The following AFF1 variants were observed in gnomAD, a reference collection of about 807,000 sequenced individuals.
AFF1 encodes ALF transcription elongation factor 1, also known as AF4/FMR2 family member 1.
Under a neutral mutation model 121.7 loss-of-function variants are expected in AFF1, and 48 were observed. The ratio of observed to expected loss-of-function variants is 0.39; its 90% confidence interval spans 0.31 to 0.50. The LOEUF (loss-of-function observed/expected upper bound fraction) is 0.50. AFF1 is among the 20% of genes least tolerant of loss of function. AFF1 has a pLI of 0.76. For missense variants in AFF1, 1,523 were observed against 1,511.7 expected (o/e 1.01, Z -0.12); for synonymous variants, 613 against 563.0 (o/e 1.09, Z -1.26).
chr4:87,061,874 C>G (rs942998657), intron 4 of AFF1, among the ~76,000 whole-genome samples: 1 of 152,134 alleles, frequency 6.6e-6, no homozygotes, highest in African/African-American at 2.4e-5. Flanking sequence ...ATTTCTCAAA[C>G]TTTTGAAAGG....
intron 2 of AFF1, among the ~76,000 whole-genome samples, chr4:86,957,487 A>G (rs776245289): frequency 1.3e-5 from 2 of 152,172 alleles, no homozygotes; most frequent in Non-Finnish European, 2.9e-5. Context: ...ATAGCTGAGT[A>G]TGTGAATCAG....
rs568491229 is a variant in AFF1, at chr4:87,138,038, T to TTC, written c.*2338_*2339insCT. 2,405 of 230,780 alleles carry TTC rather than the reference T, an allele frequency of 0.01. 55 individuals carry two copies. Among genetic ancestry groups the TTC allele is most frequent in the African/African-American group, 0.05 (2,251 of 45,184 alleles). 14.3% of individuals were successfully genotyped at this position (230,780 alleles called of 1,614,324 possible). ...CCTTACTCTTTGTGGGTTTTTTTTT[T>TTC]TTTCTCTGAACTTGATATAAAGATT... On this transcript the variant is annotated 3_prime_UTR_variant, in exon 21 of 21. Coordinates refer to ENST00000395146, the MANE Select transcript of AFF1 (RefSeq NM_001166693.3).
chr4:87,134,300 C>T (rs964820331), intron 19 of AFF1, among the ~76,000 whole-genome samples, 171 bp from the exon 20 acceptor site: 1 of 152,176 alleles, frequency 6.6e-6, no homozygotes, highest in African/African-American at 2.4e-5. Context: ...CAGATTAGCC[C>T]AGCAGGGTGT....
chr4:86,985,212 T>TATATATAA (rs1560518400), intron 2 of AFF1, among the ~76,000 whole-genome samples: 1 of 99,046 alleles, frequency 1.0e-5, no homozygotes, highest in African/African-American at 3.2e-5. Context: ...TATATATATA[T>TATATATAA]ATAAAATTAT....
Position 86,948,505 on chromosome 4 carries a change from G to T in AFF1, c.-29G>T. The T allele has an allele frequency of 6.5e-7, 1 of 1,536,130 alleles. No individual in the cohort carries two copies. On this transcript the variant is annotated 5_prime_UTR_variant, in exon 2 of 21. Coordinates refer to ENST00000395146, the MANE Select transcript of AFF1 (RefSeq NM_001166693.3). ...TCTTTGTTTCTCTTTCAGATGAACAGACTAGCCACTTTGCATTGACTGGAA... is the reference window on the plus strand; with the variant it reads ...TCTTTGTTTCTCTTTCAGATGAACATACTAGCCACTTTGCATTGACTGGAA...
rs1478882090 is a variant in AFF1, at chr4:87,108,170, C to A, written c.1388C>A (p.Ser463Tyr). 6.2e-7 allele frequency: 1 copy of A among 1,613,962 alleles called. No homozygotes were observed. The highest frequency in any genetic ancestry group is 8.5e-7 in the Non-Finnish European group (1 of 1,179,942). ...SSSAPPSAPQ[S>Y]LPEPVASAHS... is the part of the protein sequence containing the mutation. ...TGGTTGCTTTGCAGTGCTCCACAGTCCCTTCCAGAACCAGTGGCATCAGCA... is the reference window on the plus strand; with the variant it reads ...TGGTTGCTTTGCAGTGCTCCACAGTACCTTCCAGAACCAGTGGCATCAGCA... Residue 463 changes from serine (S) to tyrosine (Y), a missense_variant, in exon 11 of 21, where the codon TCC (serine) becomes TAC (tyrosine). By Grantham distance (144) the Ser-to-Tyr change is moderately radical. Transcript: ENST00000395146.
chr4:87,076,055 G>A (rs1722641617), intron 4 of AFF1, among the ~76,000 whole-genome samples: 1 of 152,082 alleles, frequency 6.6e-6, no homozygotes, highest in Admixed American at 6.6e-5. Context: ...AGAACACTAA[G>A]GGTTACAATC....
chr4:87,047,252 C>G lies in AFF1; in HGVS notation c.717C>G (p.Gly239=). The change falls in exon 4 of 21, where the codon GGC becomes GGG. Residue 239 remains glycine (G), a synonymous_variant. Coordinates refer to ENST00000395146, the MANE Select transcript of AFF1 (RefSeq NM_001166693.3). ...CGCAAGGAAGCAGCAAGGTTCATGG[C>G]AGCAGCAATAACAGTAAAGGCTATT... The part of the protein sequence containing the change: ...PRTQGSSKVH[G]SSNNSKGYCP... The G allele has an allele frequency of 1.2e-6, 2 of 1,614,194 alleles. No individual in the cohort carries two copies. Among genetic ancestry groups the G allele is most frequent in the Non-Finnish European group, 1.7e-6 (2 of 1,180,042 alleles).
chr4:87,078,503 C>T (rs1392470052), intron 4 of AFF1, among the ~76,000 whole-genome samples: 3 of 152,062 alleles, frequency 2.0e-5, no homozygotes, highest in Non-Finnish European at 4.4e-5. Context: ...AGAGAATGTA[C>T]GGATAGTTAC....
intron 5 of AFF1, among the ~76,000 whole-genome samples, chr4:87,084,420 G>A (rs1723489356): frequency 6.6e-6 from 1 of 152,162 alleles, no homozygotes; most frequent in African/African-American, 2.4e-5. Flanking sequence ...GCACATGCCT[G>A]TAGTCCCAGC....
intron 2 of AFF1, among the ~76,000 whole-genome samples, chr4:86,996,566 T>C (rs1405352349): frequency 7.9e-5 from 12 of 151,012 alleles, no homozygotes; most frequent in African/African-American, 2.9e-4. Flanking sequence ...TAATCTCAAG[T>C]ACCCAGGGAC....
intron 2 of AFF1, among the ~76,000 whole-genome samples, chr4:86,950,684 T>C (rs1721243117): frequency 6.6e-6 from 1 of 152,190 alleles, no homozygotes; most frequent in African/African-American, 2.4e-5. Context: ...CTGGTCATCA[T>C]TGTGGGCTGC....
Position 87,141,029 on chromosome 4 carries a change from T to G in AFF1, c.*5328T>G, listed in dbSNP as rs1330043617. On this transcript the variant is annotated 3_prime_UTR_variant, in exon 21 of 21. Transcript: ENST00000395146. ...AAAAACAAAAAAATTAATAAAAATT[T>G]CGAGAAATCATTGGGGTTGAATCCA... 1 of 176,476 alleles carries G rather than the reference T, an allele frequency of 5.7e-6. No individual in the cohort carries two copies. Among genetic ancestry groups the G allele is most frequent in the African/African-American group, 2.4e-5 (1 of 42,230 alleles). 10.9% of individuals were successfully genotyped at this position (176,476 alleles called of 1,614,324 possible). A position where few individuals can be genotyped will look rare whatever the true frequency, so the allele number is the denominator to read the frequency against.
chr4:87,052,082 A>G (rs1003766614), intron 4 of AFF1, among the ~76,000 whole-genome samples: 1 of 152,090 alleles, frequency 6.6e-6, no homozygotes, highest in Non-Finnish European at 1.5e-5. Flanking sequence ...CAGAGCTCAG[A>G]GACGTATTTC....
chr4:87,118,110 A>G (rs1727307806), intron 12 of AFF1, among the ~76,000 whole-genome samples: 1 of 152,236 alleles, frequency 6.6e-6, no homozygotes, highest in African/African-American at 2.4e-5. Flanking sequence ...CATTAGTGGT[A>G]TTTAGTGTTT....
Position 87,127,662 on chromosome 4 carries a change from A to C in AFF1, c.2923A>C (p.Met975Leu). The C allele has an allele frequency of 6.2e-7, 1 of 1,614,108 alleles. No homozygotes were observed. The highest frequency in any genetic ancestry group is 8.5e-7 in the Non-Finnish European group (1 of 1,180,024). Residue 975 changes from methionine to leucine, a missense_variant, in exon 16 of 21, where the codon ATG becomes CTG. Physicochemically the swap from Met to Leu is conservative, Grantham distance 15. Around this residue, in one of 5 missense-constraint regions of AFF1, gnomAD observed 905 missense variants for 842.5 expected, o/e 1.07. Transcript: ENST00000395146. ...TTTCAGACAACAAGCAGACCTTCAC[A>C]TGAGGGAGGCAAAAAAGATGAAGCA... Reference protein sequence around the residue: ...KFDKQQADLHMREAKKMKQKA... With the variant: ...KFDKQQADLHLREAKKMKQKA...
intron 5 of AFF1, among the ~76,000 whole-genome samples, chr4:87,085,824 C>T (rs1321316632): frequency 6.6e-6 from 1 of 151,494 alleles, no homozygotes; most frequent in African/African-American, 2.4e-5. Context: ...CTGCAATCTC[C>T]ACCTCCTGGG....
At chr4:87,090,850 C>CA (rs1352261072) in intron 6 of AFF1, among the ~76,000 whole-genome samples, 1 of 150,832 alleles carries the variant, frequency 6.6e-6, no homozygotes, top group Non-Finnish European at 1.5e-5. Flanking sequence ...TTTGTCTCTC[C>CA]AAAAAAATAC....
intron 1 of AFF1, among the ~76,000 whole-genome samples, chr4:86,941,638 C>T (rs1720467273): frequency 6.6e-6 from 1 of 151,696 alleles, no homozygotes; most frequent in East Asian, 1.9e-4. Flanking sequence ...GGCAATAGAG[C>T]AAGACTCTGT....
Sources: gnomAD v4.1 joint callset for allele counts (sites outside exome capture counted in the v4.1 genomes callset) on GRCh38, gnomAD v4.1.1 for gene constraint, gnomAD v4.1.1 regional missense constraint, MANE v1.5 for transcripts, NCBI Gene and HGNC (gene_info 2026-07-23, HGNC 2026-07-21) for gene names.